The following FAM13A variants were observed in gnomAD, a reference collection of about 807,000 sequenced individuals.
FAM13A encodes the protein family with sequence similarity 13 member A, also known as protein FAM13A.
In FAM13A, 76 loss-of-function variants were observed where a neutral mutation model predicts 129.6. That is an observed-to-expected ratio of 0.59 (90% confidence interval 0.49 to 0.71). The LOEUF (loss-of-function observed/expected upper bound fraction) is 0.71. Among genes scored for constraint, FAM13A ranks in the 30% least tolerant of loss-of-function variants. The probability of loss-of-function intolerance (pLI) is 0.00; values close to 1 mark genes in which losing one functional copy is unlikely to be tolerated. For synonymous variants in FAM13A, 443 were observed against 449.9 expected (o/e 0.98, Z 0.20); for missense variants, 1,108 against 1,249.3 (o/e 0.89, Z 1.70).
intron 7 of FAM13A, among the ~76,000 whole-genome samples, chr4:88,834,912 C>T (rs1450104675): frequency 6.6e-6 from 1 of 152,096 alleles, no homozygotes; most frequent in Non-Finnish European, 1.5e-5. Context: ...TTCCCCTTCA[C>T]CCTCCCTTTC....
chr4:88,758,252 T>C (rs1488847211), intron 14 of FAM13A, among the ~76,000 whole-genome samples: 1 of 152,140 alleles, frequency 6.6e-6, no homozygotes, highest in African/African-American at 2.4e-5. Context: ...TTCTTTTTGA[T>C]AAGCAAATCC....
intron 6 of FAM13A, among the ~76,000 whole-genome samples, chr4:88,877,412 T>C (rs1215664081): frequency 6.6e-6 from 1 of 152,198 alleles, no homozygotes. Context: ...ACATCTGAAA[T>C]ACAGCAGTCT....
chr4:88,763,057 G>A (rs541701521), intron 13 of FAM13A, among the ~76,000 whole-genome samples: 49 of 152,278 alleles, frequency 3.2e-4, no homozygotes, highest in African/African-American at 1.2e-3. Context: ...ATTAGGATGG[G>A]TTTTAGAGGC....
chr4:88,890,028 G>A (rs1306364617), intron 6 of FAM13A, among the ~76,000 whole-genome samples: 3 of 152,190 alleles, frequency 2.0e-5, no homozygotes, highest in Non-Finnish European at 4.4e-5. Context: ...AGGGCAACCA[G>A]GATAATTTGG....
rs370500675 is a variant in FAM13A, at chr4:88,726,250, T to TG, written c.*2282dup. 50 of 152,234 alleles carry TG rather than the reference T, an allele frequency of 3.3e-4. No individual in the cohort carries two copies. Among genetic ancestry groups the TG allele is most frequent in the African/African-American group, 1.1e-3 (46 of 41,548 alleles). The allele number at this position is 152,234 out of a possible 1,614,324, so 9.4% of individuals were successfully genotyped here. On this transcript the variant is annotated 3_prime_UTR_variant, in exon 24 of 24. Transcript: ENST00000264344. ...ACATTTCTTCAAATAAGATCTAGTGTGAAAAGGGCTTCCTCTCATTTCTTC... is the reference window on the plus strand; with the variant it reads ...ACATTTCTTCAAATAAGATCTAGTGTGGAAAAGGGCTTCCTCTCATTTCTTC...
At chr4:88,758,356 C>T (rs145739860) in intron 14 of FAM13A, among the ~76,000 whole-genome samples, 5 of 152,156 alleles carry the variant, frequency 3.3e-5, no homozygotes, top group African/African-American at 1.2e-4. Context: ...ATGAAAGAGG[C>T]AGGCGACTGG....
intron 11 of FAM13A, among the ~76,000 whole-genome samples, chr4:88,776,772 C>T (rs12647839): frequency 0.085 from 12,905 of 151,996 alleles, 963 homozygotes; most frequent in East Asian, 0.31. Flanking sequence ...GTCAGGAGTT[C>T]AGGACCAGCC....
At position 88,988,970 on chromosome 4, in the gene FAM13A, G is replaced by T. The variant is rs140741312; in HGVS notation, c.605+2003C>A. ...GGCCTGTAATCCCAGCACTTTGGGA[G>T]GCGGAGGCGGGAGGATCACTCGAGG... On this transcript the variant is annotated intron_variant, in intron 4 of 23. Transcript: ENST00000264344. Among the ~76,000 whole-genome samples the T allele has an allele frequency of 7.5e-4, 114 of 152,276 alleles. 1 individual carries two copies. Among genetic ancestry groups the T allele is most frequent in the Admixed American group, 3.6e-3 (55 of 15,292 alleles).
intron 19 of FAM13A, among the ~76,000 whole-genome samples, chr4:88,742,078 G>A (rs1172783235): frequency 2.6e-5 from 4 of 152,066 alleles, no homozygotes; most frequent in Non-Finnish European, 4.4e-5. Context: ...AACAATAGAC[G>A]GTTGAGTAAC....
At chr4:89,018,015 T>C (rs1450819560) in intron 3 of FAM13A, among the ~76,000 whole-genome samples, 1 of 152,126 alleles carries the variant, frequency 6.6e-6, no homozygotes, top group African/African-American at 2.4e-5. Context: ...ATAAAATCAT[T>C]TTTTTCAAAA....
intron 7 of FAM13A, among the ~76,000 whole-genome samples, chr4:88,829,143 G>A (rs1733492296): frequency 6.6e-6 from 1 of 152,106 alleles, no homozygotes; most frequent in Admixed American, 6.6e-5. Flanking sequence ...CCACAGTAAT[G>A]TATTTTCAGA....
chr4:88,826,960 T>C (rs1266377784), intron 7 of FAM13A, among the ~76,000 whole-genome samples: 5 of 152,172 alleles, frequency 3.3e-5, no homozygotes, highest in Non-Finnish European at 4.4e-5. Context: ...TCAGCAGTCC[T>C]ACCCTCTGGT....
chr4:88,769,592 G>T (rs917673429), intron 11 of FAM13A, among the ~76,000 whole-genome samples: 1 of 152,144 alleles, frequency 6.6e-6, no homozygotes, highest in Non-Finnish European at 1.5e-5. Context: ...CCAGCACTTT[G>T]GGAGGCTGAG....
At chr4:88,857,085 A>AT (rs1006384253) in intron 6 of FAM13A, among the ~76,000 whole-genome samples, 45 of 150,802 alleles carry the variant, frequency 3.0e-4, no homozygotes, top group African/African-American at 7.5e-4. Context: ...TTAATGTTCC[A>AT]TTTTTTTTTC....
intron 4 of FAM13A, among the ~76,000 whole-genome samples, chr4:88,947,646 A>T (rs1366774661): frequency 7.3e-5 from 11 of 150,618 alleles, no homozygotes; most frequent in Admixed American, 6.6e-4. Context: ...CTACCAATCC[A>T]CTTTTTCTTT....
At chr4:89,008,483 C>T (rs1399911589) in intron 3 of FAM13A, among the ~76,000 whole-genome samples, 1 of 152,212 alleles carries the variant, frequency 6.6e-6, no homozygotes, top group Non-Finnish European at 1.5e-5. Context: ...CTTGGACTTC[C>T]AGCCACCAGA....
intron 1 of FAM13A, among the ~76,000 whole-genome samples, chr4:89,054,053 T>C (rs1412302437): frequency 6.6e-6 from 1 of 152,184 alleles, no homozygotes; most frequent in African/African-American, 2.4e-5. Flanking sequence ...AAAATAGATT[T>C]GTTACAGTAA....
At chr4:88,979,739 C>T (rs114084391) in intron 4 of FAM13A, among the ~76,000 whole-genome samples, 1,850 of 152,132 alleles carry the variant, frequency 0.012, 56 homozygotes, top group African/African-American at 0.043. Flanking sequence ...TTTTGGAGGC[C>T]GAGGCAGCAG....
chr4:88,770,475 C>T (rs1475223996), intron 11 of FAM13A, among the ~76,000 whole-genome samples: 1 of 152,004 alleles, frequency 6.6e-6, no homozygotes, highest in Non-Finnish European at 1.5e-5. Flanking sequence ...TTCATAGTTA[C>T]GTGTAAATGA....
Sources: gnomAD v4.1 joint callset for allele counts (sites outside exome capture counted in the v4.1 genomes callset) on GRCh38, gnomAD v4.1.1 for gene constraint, MANE v1.5 for transcripts, NCBI Gene and HGNC (gene_info 2026-07-23, HGNC 2026-07-21) for gene names.